Variants in THAP9 observed in about 807,000 individuals in gnomAD.
THAP9 encodes THAP domain containing 9.
THAP9 carries 20 observed loss-of-function variants against 35.7 expected under a neutral mutation model. That is an observed-to-expected ratio of 0.56 (90% confidence interval 0.39 to 0.81). The LOEUF (loss-of-function observed/expected upper bound fraction) is 0.81, where lower values mean the gene tolerates loss of function less well. THAP9 is among the 40% of genes least tolerant of loss of function. The pLI, the probability that THAP9 is intolerant of heterozygous loss-of-function variation, is 0.00. For missense variants in THAP9, 870 were observed against 1,047.4 expected, an observed-to-expected ratio of 0.83 and a Z score of 2.34; for synonymous variants, 335 against 373.7, an observed-to-expected ratio of 0.90 and a Z score of 1.19.
intron 3 of THAP9, among the ~76,000 whole-genome samples, chr4:82,906,956 T>A (rs1257340173): frequency 6.6e-6 from 1 of 152,186 alleles, no homozygotes; most frequent in Non-Finnish European, 1.5e-5. Context: ...CTTACCCATT[T>A]GCTACTGCAA....
chr4:82,910,730 ATTGTG>A, intron 4 of THAP9: 1 of 525,088 alleles, frequency 1.9e-6, no homozygotes, highest in Non-Finnish European at 3.4e-6. Context: ...AAACCAGGAG[ATTGTG>A]ATGGCCTGGA....
In THAP9 at chr4:82,918,639, G is replaced by A; in HGVS notation, c.2427G>A (p.Gly809=). The A allele has an allele frequency of 1.2e-6, 2 of 1,614,056 alleles. No individual in the cohort carries two copies. Among genetic ancestry groups the A allele is most frequent in the Non-Finnish European group, 1.7e-6 (2 of 1,179,978 alleles). ...LQQKILCELS[G]HINLFVDVNK... ...AGAAAATATTATGTGAGCTTTCTGG[G>A]CATATTAATCTTTTTGTAGATGTGA... Residue 809 remains glycine, a synonymous_variant, in exon 5 of 5, where the codon GGG becomes GGA. Coordinates refer to ENST00000302236, the MANE Select transcript of THAP9 (RefSeq NM_024672.6).
chr4:82,902,124 T>TC, intron 1 of THAP9, among the ~76,000 whole-genome samples: 1 of 148,972 alleles, frequency 6.7e-6, no homozygotes, highest in Non-Finnish European at 1.5e-5. Context: ...TTTTTTTTTT[T>TC]TGGAGACGGG....
chr4:82,902,495 CA>C (rs1720465401), intron 1 of THAP9, among the ~76,000 whole-genome samples: 1 of 152,144 alleles, frequency 6.6e-6, no homozygotes, highest in African/African-American at 2.4e-5. Context: ...CTAAGAATAT[CA>C]ACAGCTGTAC....
chr4:82,916,744 C>G (rs1431413300), intron 4 of THAP9, among the ~76,000 whole-genome samples, 200 bp from the exon 5 acceptor site: 1 of 152,146 alleles, frequency 6.6e-6, no homozygotes, highest in African/African-American at 2.4e-5. Flanking sequence ...TCTTAAAATA[C>G]TACTTTGTGT....
chr4:82,905,557 G>A lies in THAP9; in HGVS notation c.276+626G>A, dbSNP rs111560017. 7.2e-3 allele frequency among the ~76,000 whole-genome samples: 1,095 copies of A among 152,082 alleles called. 16 individuals are homozygous for A. The highest frequency in any genetic ancestry group is 0.01 in the Middle Eastern group (3 of 294). On this transcript the variant is annotated intron_variant, in intron 2 of 4. Transcript: ENST00000302236. The stretch of plus-strand genomic sequence containing the variant: ...CTTAATCGTCAGTCTCCTTCTTCCA[G>A]TATTGGTTTATCTCATTCCCCTATT...
At chr4:82,910,255 T>G (rs890391552) in intron 4 of THAP9, 1 of 152,118 alleles carries the variant, frequency 6.6e-6, no homozygotes, top group African/African-American at 2.4e-5. Context: ...GCTCATTTCT[T>G]TAGGTACTTT....
intron 1 of THAP9, among the ~76,000 whole-genome samples, chr4:82,903,003 G>A (rs1355316415): frequency 1.3e-5 from 2 of 152,160 alleles, no homozygotes; most frequent in Non-Finnish European, 2.9e-5. Context: ...GATTTAGAGA[G>A]CATATCAGAA....
intron 4 of THAP9, chr4:82,913,143 C>T (rs1720922465): frequency 6.6e-6 from 1 of 152,022 alleles, no homozygotes; most frequent in Non-Finnish European, 1.5e-5. Context: ...TTGTCTCCTT[C>T]CTTACCATTC....
intron 1 of THAP9, 61 bp downstream of exon 1, chr4:82,900,943 G>A: frequency 6.3e-7 from 1 of 1,594,162 alleles, no homozygotes; most frequent in Non-Finnish European, 8.6e-7. Flanking sequence ...GGGCCGTGGC[G>A]TGGCGTGGGG....
At chr4:82,910,640 AT>A in intron 4 of THAP9, 1 of 493,724 alleles carries the variant, frequency 2.0e-6, no homozygotes, top group Non-Finnish European at 3.2e-6. Context: ...TATCTTAAGT[AT>A]TAGATCTTTA....
chr4:82,911,419 A>G (rs1322860078), intron 4 of THAP9, among the ~76,000 whole-genome samples: 1 of 152,088 alleles, frequency 6.6e-6, no homozygotes, highest in African/African-American at 2.4e-5. Flanking sequence ...GTGAAACCCC[A>G]TCTCTACTAA....
Position 82,906,343 on chromosome 4 carries a change from TTAAAGG to T in THAP9, c.302_307del (p.Gly101_Lys102del), listed in dbSNP as rs746375242. On this transcript the variant is annotated inframe_deletion, in exon 3 of 5. Coordinates refer to ENST00000302236, the MANE Select transcript of THAP9 (RefSeq NM_024672.6). ...TCATAGATTCCTCAAGGTGTACATC[TTAAAGG>T]TAAAGCAAGACAAAAAATCCTAAAA... 1.9e-6 allele frequency: 3 copies of T among 1,601,280 alleles called. No homozygotes were observed. The highest frequency in any genetic ancestry group is 2.6e-6 in the Non-Finnish European group (3 of 1,173,754).
chr4:82,904,144 A>G (rs548212625), intron 1 of THAP9, among the ~76,000 whole-genome samples: 2 of 140,594 alleles, frequency 1.4e-5, no homozygotes, highest in South Asian at 4.4e-4. Context: ...GGCTCACTGC[A>G]GCCTCCACCT....
chr4:82,903,316 G>A (rs1287669745), intron 1 of THAP9: 1 of 152,300 alleles, frequency 6.6e-6, no homozygotes, highest in Non-Finnish European at 1.5e-5. Context: ...TTGCCTCCCA[G>A]GTTCAAGCGA....
chr4:82,911,455 A>C (rs552176285), intron 4 of THAP9, among the ~76,000 whole-genome samples: 1 of 152,268 alleles, frequency 6.6e-6, no homozygotes, highest in South Asian at 2.1e-4. Flanking sequence ...TTAGCCGGGC[A>C]TGGTGGCAGG....
intron 1 of THAP9, among the ~76,000 whole-genome samples, chr4:82,903,170 A>G (rs1022208369): frequency 6.6e-6 from 1 of 152,264 alleles, no homozygotes; most frequent in Non-Finnish European, 1.5e-5. Flanking sequence ...ACGTCAAAGA[A>G]GAAGGGGCAG....
chr4:82,917,738 A>G lies in THAP9; in HGVS notation c.1526A>G (p.His509Arg). The change falls in exon 5 of 5, where the codon CAT becomes CGT. Residue 509 changes from histidine to arginine, a missense_variant. Transcript: ENST00000302236. ...TTTCAAAACTGTATTGGTACCATCC[A>G]TTTTTTACGTTTAATTAACAATCTG... ...PPFQNCIGTI[H>R]FLRLINNLFD... 1 of 1,613,910 alleles carries G rather than the reference A, an allele frequency of 6.2e-7. No homozygotes were observed. The highest frequency in any genetic ancestry group is 1.3e-5 in the African/African-American group (1 of 75,020).
At chr4:82,915,466 A>G (rs1190442050) in intron 4 of THAP9, among the ~76,000 whole-genome samples, 1 of 152,132 alleles carries the variant, frequency 6.6e-6, no homozygotes, top group African/African-American at 2.4e-5. Context: ...CATGTTGGCC[A>G]GGCTGGTCTC....
Sources: gnomAD v4.1 joint callset for allele counts (sites outside exome capture counted in the v4.1 genomes callset) on GRCh38, gnomAD v4.1.1 for gene constraint, MANE v1.5 for transcripts, NCBI Gene and HGNC (gene_info 2026-07-23, HGNC 2026-07-21) for gene names.